NEK11: variants seen among roughly 807,000 people sequenced by gnomAD.
NEK11 encodes serine/threonine-protein kinase Nek11.
A neutral mutation model predicts 80.7 loss-of-function variants in NEK11; 72 were observed. The ratio of observed to expected loss-of-function variants is 0.89; its 90% CI spans 0.74 to 1.08. The LOEUF is 1.08. Among genes scored for constraint, NEK11 ranks in the 50% least tolerant of loss-of-function variants. The pLI is 0.00. For synonymous variants in NEK11, 251 were observed against 260.7 expected, an observed-to-expected ratio of 0.96 and a Z score of 0.36; for missense variants, 764 against 763.6, an observed-to-expected ratio of 1.00 and a Z score of -0.01.
At chr3:131,078,873 CTT>C (rs769791475) in intron 3 of NEK11, among the ~76,000 whole-genome samples, 60 of 138,942 alleles carry the variant, frequency 4.3e-4, no homozygotes, top group Non-Finnish European at 5.7e-4. Flanking sequence ...ACTCCTTCAT[CTT>C]TTTTTTTTTT....
intron 15 of NEK11, among the ~76,000 whole-genome samples, chr3:131,229,837 A>G (rs990050992): frequency 1.3e-5 from 2 of 152,144 alleles, no homozygotes; most frequent in Non-Finnish European, 2.9e-5. Flanking sequence ...GGAGACAAAT[A>G]CATGAAGAGA....
At chr3:131,299,676 C>T (rs2096639717) in intron 17 of NEK11, among the ~76,000 whole-genome samples, 1 of 152,192 alleles carries the variant, frequency 6.6e-6, no homozygotes. Context: ...TGGCCTCCAG[C>T]TCCATCCATG....
At chr3:131,156,327 A>C (rs572582513) in intron 10 of NEK11, among the ~76,000 whole-genome samples, 1 of 152,316 alleles carries the variant, frequency 6.6e-6, no homozygotes, top group African/African-American at 2.4e-5. Flanking sequence ...CTGTCCTCAG[A>C]GGTCATTACA....
chr3:131,086,123 G>A (rs922542518), intron 4 of NEK11, among the ~76,000 whole-genome samples: 4 of 152,120 alleles, frequency 2.6e-5, no homozygotes, highest in African/African-American at 9.7e-5. Flanking sequence ...TACTGATGAT[G>A]TTAACTTTGA....
chr3:131,145,866 G>A (rs575106446), intron 7 of NEK11, among the ~76,000 whole-genome samples: 5 of 152,220 alleles, frequency 3.3e-5, no homozygotes, highest in Admixed American at 1.3e-4. Context: ...TGTTGTGAGT[G>A]TAAGTTAATG....
intron 14 of NEK11, among the ~76,000 whole-genome samples, chr3:131,221,663 CT>C (rs1446877154): frequency 6.6e-6 from 1 of 152,090 alleles, no homozygotes; most frequent in Non-Finnish European, 1.5e-5. Flanking sequence ...TGAAAACACT[CT>C]TTTTTAAAAA....
chr3:131,245,980 A>G (rs1443939963), intron 16 of NEK11, among the ~76,000 whole-genome samples: 1 of 152,072 alleles, frequency 6.6e-6, no homozygotes, highest in Non-Finnish European at 1.5e-5. Flanking sequence ...GAAACATTTT[A>G]GTTTAATTAA....
At chr3:131,144,336 A>G (rs2087666920) in intron 7 of NEK11, among the ~76,000 whole-genome samples, 2 of 152,164 alleles carry the variant, frequency 1.3e-5, no homozygotes, top group Admixed American at 6.6e-5. Context: ...AGAAATGCAA[A>G]TTGTAGACTT....
chr3:131,245,874 G>T (rs1031560223), intron 16 of NEK11, among the ~76,000 whole-genome samples: 1 of 151,720 alleles, frequency 6.6e-6, no homozygotes, highest in Non-Finnish European at 1.5e-5. Context: ...CATAAATTCT[G>T]GATATTAGTC....
intron 5 of NEK11, among the ~76,000 whole-genome samples, chr3:131,114,216 A>G (rs2080637398): frequency 6.6e-6 from 1 of 152,190 alleles, no homozygotes; most frequent in South Asian, 2.1e-4. Flanking sequence ...AAACTTATTT[A>G]TCTTAATTGT....
chr3:131,091,918 A>G (rs1220134965), intron 4 of NEK11, among the ~76,000 whole-genome samples: 1 of 152,204 alleles, frequency 6.6e-6, no homozygotes. Context: ...CAGAGAAATC[A>G]TTTGATTAGC....
At chr3:131,309,803 A>C (rs1375661949) in intron 17 of NEK11, among the ~76,000 whole-genome samples, 1 of 151,846 alleles carries the variant, frequency 6.6e-6, no homozygotes, top group East Asian at 1.9e-4. Flanking sequence ...TAGACAGCAT[A>C]GCAAGAGTCA....
chr3:131,103,771 C>A (rs943743172), intron 4 of NEK11, among the ~76,000 whole-genome samples: 1 of 152,222 alleles, frequency 6.6e-6, no homozygotes, highest in African/African-American at 2.4e-5. Flanking sequence ...TGCTGCGGCC[C>A]ATGAACCCAC....
intron 5 of NEK11, among the ~76,000 whole-genome samples, chr3:131,127,527 A>G (rs1308321115): frequency 6.6e-6 from 1 of 151,456 alleles, no homozygotes; most frequent in Non-Finnish European, 1.5e-5. Context: ...CTAGCTCTCT[A>G]TTGAAATTCT....
At chr3:131,088,046 T>C (rs1578083096) in intron 4 of NEK11, 4 of 152,292 alleles carry the variant, frequency 2.6e-5, no homozygotes, top group Admixed American at 2.6e-4. Flanking sequence ...GTGGTTTGCA[T>C]TGCTGGGATT....
At chr3:131,330,366 A>G (rs1227128929) in intron 17 of NEK11, 1 of 152,198 alleles carries the variant, frequency 6.6e-6, no homozygotes, top group African/African-American at 2.4e-5. Flanking sequence ...TGAATACATG[A>G]GTCTGGAGTT....
intron 14 of NEK11, among the ~76,000 whole-genome samples, chr3:131,195,194 T>C (rs2093950913): frequency 6.6e-6 from 1 of 152,140 alleles, no homozygotes; most frequent in African/African-American, 2.4e-5. Context: ...GTGTGTAGGA[T>C]ATACAACAGA....
chr3:131,275,365 C>A (rs1193869144), intron 17 of NEK11, among the ~76,000 whole-genome samples: 1 of 152,156 alleles, frequency 6.6e-6, no homozygotes, highest in Non-Finnish European at 1.5e-5. Flanking sequence ...GTACACAATA[C>A]CCCATTTCCT....
At chr3:131,315,019 A>AT (rs1275044832) in intron 17 of NEK11, among the ~76,000 whole-genome samples, 2 of 152,120 alleles carry the variant, frequency 1.3e-5, no homozygotes, top group African/African-American at 4.8e-5. Flanking sequence ...GGTATACAAC[A>AT]TGATGTTTTG....
Sources: allele counts gnomAD v4.1 joint callset (sites outside exome capture counted in the v4.1 genomes callset), GRCh38; gene constraint gnomAD v4.1.1; transcripts MANE v1.5; gene names NCBI Gene and HGNC (gene_info 2026-07-23, HGNC 2026-07-21).